The following PKP4 variants were observed in gnomAD, a reference collection of about 807,000 sequenced individuals.
PKP4 encodes plakophilin 4, also known as plakophilin-4.
PKP4 carries 90 observed loss-of-function variants against 145.1 expected under a neutral mutation model. The ratio of observed to expected loss-of-function variants is 0.62; its 90% CI spans 0.52 to 0.74. The LOEUF (loss-of-function observed/expected upper bound fraction) is 0.74. Ranked by LOEUF, PKP4 falls within the 30% of genes least tolerant of loss-of-function variation. The probability of loss-of-function intolerance (pLI) is 0.00; values close to 1 mark genes in which losing one functional copy is unlikely to be tolerated. For missense variants in PKP4, 1,340 were observed against 1,482.7 expected (o/e 0.90, Z 1.58); for synonymous variants, 563 against 577.2 (o/e 0.98, Z 0.35).
chr2:158,513,437 A>G (rs1026761576), intron 1 of PKP4, among the ~76,000 whole-genome samples: 1 of 152,104 alleles, frequency 6.6e-6, no homozygotes, highest in Non-Finnish European at 1.5e-5. Flanking sequence ...AGGAAGGACA[A>G]GGTTTCCTAG....
intron 1 of PKP4, among the ~76,000 whole-genome samples, chr2:158,522,805 A>G (rs893556085): frequency 1.2e-4 from 19 of 152,226 alleles, no homozygotes; most frequent in Admixed American, 3.3e-4. Flanking sequence ...AGGGCGAGGC[A>G]TTGCCTCACC....
intron 3 of PKP4, among the ~76,000 whole-genome samples, chr2:158,594,315 C>T (rs1478599613): frequency 6.6e-6 from 1 of 152,186 alleles, no homozygotes; most frequent in African/African-American, 2.4e-5. Flanking sequence ...ATATCACCCT[C>T]AGATCATATA....
At chr2:158,571,031 C>T (rs1223353208) in intron 2 of PKP4, among the ~76,000 whole-genome samples, 1 of 152,112 alleles carries the variant, frequency 6.6e-6, no homozygotes, top group African/African-American at 2.4e-5. Context: ...GACACTCCCT[C>T]CACTAAGCCT....
intron 1 of PKP4, among the ~76,000 whole-genome samples, chr2:158,496,359 G>A (rs887054668): frequency 6.6e-6 from 1 of 152,022 alleles, no homozygotes; most frequent in Non-Finnish European, 1.5e-5. Context: ...TTCTTTTTTA[G>A]CAGTGTATAT....
chr2:158,463,684 C>T (rs1021351504), intron 1 of PKP4, among the ~76,000 whole-genome samples: 8 of 152,198 alleles, frequency 5.3e-5, no homozygotes, highest in African/African-American at 1.9e-4. Context: ...CTAGTACTTA[C>T]ATTTCGCAAC....
chr2:158,476,963 T>G (rs1468960015), intron 1 of PKP4, among the ~76,000 whole-genome samples: 2 of 152,208 alleles, frequency 1.3e-5, no homozygotes, highest in Non-Finnish European at 2.9e-5. Flanking sequence ...CTAACACAAA[T>G]ATTTAAAACA....
chr2:158,678,677 A>C, intron 21 of PKP4, 23 bp downstream of exon 21: 4 of 1,421,052 alleles, frequency 2.8e-6, no homozygotes, highest in Non-Finnish European at 4.0e-6. Context: ...TATCATTTTT[A>C]CAGAAGGCTG....
intron 9 of PKP4, among the ~76,000 whole-genome samples, chr2:158,638,793 G>T (rs1366131727): frequency 6.6e-6 from 1 of 152,196 alleles, no homozygotes; most frequent in Non-Finnish European, 1.5e-5. Context: ...CATGAGGGAA[G>T]ATGAAGAAAA....
At chr2:158,612,119 A>G (rs1280469032) in intron 4 of PKP4, among the ~76,000 whole-genome samples, 3 of 152,012 alleles carry the variant, frequency 2.0e-5, no homozygotes, top group Non-Finnish European at 4.4e-5. Context: ...ACAACTGCAC[A>G]CACACACACA....
chr2:158,518,484 A>G (rs993172861), intron 1 of PKP4, among the ~76,000 whole-genome samples: 5 of 152,174 alleles, frequency 3.3e-5, no homozygotes, highest in African/African-American at 9.6e-5. Flanking sequence ...TACTGTCTAC[A>G]TATTTCTTCC....
At chr2:158,658,365 C>A in intron 12 of PKP4, 51 bp downstream of exon 12, 2 of 1,108,516 alleles carry the variant, frequency 1.8e-6, no homozygotes, top group South Asian at 1.5e-5. Context: ...AAATATGTGT[C>A]ATAGGTAAAT....
At chr2:158,560,958 T>C (rs2046462111) in intron 2 of PKP4, among the ~76,000 whole-genome samples, 1 of 152,228 alleles carries the variant, frequency 6.6e-6, no homozygotes, top group Non-Finnish European at 1.5e-5. Flanking sequence ...TTAAAGAGGC[T>C]TACAAGTTGT....
At chr2:158,560,147 G>A (rs912342086) in intron 2 of PKP4, among the ~76,000 whole-genome samples, 14 of 152,146 alleles carry the variant, frequency 9.2e-5, no homozygotes. Flanking sequence ...GATTACAGGC[G>A]TGAGCCACCG....
intron 1 of PKP4, among the ~76,000 whole-genome samples, chr2:158,480,282 G>A (rs1445816405): frequency 6.6e-6 from 1 of 152,120 alleles, no homozygotes. Flanking sequence ...TGTAGCCCAG[G>A]CTGGAGTGCA....
chr2:158,637,448 C>T (rs534948674), intron 9 of PKP4, among the ~76,000 whole-genome samples: 3 of 152,278 alleles, frequency 2.0e-5, no homozygotes, highest in East Asian at 1.9e-4. Context: ...CACGCAAACC[C>T]GGAGAATCAC....
At chr2:158,627,773 A>G (rs2052947893) in intron 7 of PKP4, among the ~76,000 whole-genome samples, 1 of 151,496 alleles carries the variant, frequency 6.6e-6, no homozygotes. Flanking sequence ...AATGCCATAA[A>G]TATAAATATT....
chr2:158,630,926 TTTTGTTTG>T (rs145862519), intron 7 of PKP4, among the ~76,000 whole-genome samples: 7 of 151,232 alleles, frequency 4.6e-5, no homozygotes, highest in South Asian at 4.2e-4. Flanking sequence ...GAGAAAGTGT[TTTTGTTTG>T]TTTGTTTGTT....
rs1002918565 is a variant in PKP4 at position 158,662,745 on chromosome 2, A to G, written c.2212-152A>G. On this transcript the variant is annotated intron_variant, in intron 13 of 21. Coordinates refer to ENST00000389759, the MANE Select transcript of PKP4 (RefSeq NM_003628.6). ...GGTATTCCACAAACACTCTAGAATC[A>G]TAATTCTCTCTTCAGATTGTTTCAA... 5.0e-6 allele frequency: 3 copies of G among 605,408 alleles called. No individual in the cohort carries two copies. In the African/African-American group the frequency reaches 5.5e-5, roughly 11 times the overall value. The allele number at this position is 605,408 out of a possible 1,614,324, so 37.5% of individuals were successfully genotyped here. A position where few individuals can be genotyped will look rare whatever the true frequency, so the allele number is the denominator to read the frequency against.
At chr2:158,649,712 CTT>C (rs1393768984) in intron 11 of PKP4, among the ~76,000 whole-genome samples, 1 of 152,152 alleles carries the variant, frequency 6.6e-6, no homozygotes, top group Admixed American at 6.5e-5. Context: ...ACTTATAAGA[CTT>C]GGGTATTCAA....
Sources: gnomAD v4.1 joint callset for allele counts (sites outside exome capture counted in the v4.1 genomes callset) on GRCh38, gnomAD v4.1.1 for gene constraint, MANE v1.5 for transcripts, NCBI Gene and HGNC (gene_info 2026-07-23, HGNC 2026-07-21) for gene names.